Variants in IGSF3 observed in about 807,000 individuals in gnomAD.
IGSF3 encodes the protein glu-Trp-Ile EWI motif-containing protein 3.
A neutral mutation model predicts 114.4 loss-of-function variants in IGSF3; 23 were observed. The observed-to-expected ratio is 0.20, with a 90% CI of 0.14 to 0.28. The LOEUF (loss-of-function observed/expected upper bound fraction) is 0.28, where lower values mean the gene tolerates loss of function less well. Among genes scored for constraint, IGSF3 ranks in the 10% least tolerant of loss-of-function variants. IGSF3 has a pLI of 1.00. For synonymous variants in IGSF3, 571 were observed against 645.2 expected (o/e 0.88, Z 1.74); for missense variants, 1,172 against 1,591.5 (o/e 0.74, Z 4.48).
Position 116,617,000 on chromosome 1 carries a change from A to G in IGSF3, c.44-543T>C, listed in dbSNP as rs2101508006. 6.6e-6 allele frequency among the ~76,000 whole-genome samples: 1 copy of G among 152,252 alleles called. No homozygotes were observed. Among genetic ancestry groups the G allele is most frequent in the Non-Finnish European group, 1.5e-5 (1 of 68,014 alleles). On this transcript the variant is annotated intron_variant, in intron 2 of 10. Coordinates refer to ENST00000369486, the MANE Select transcript of IGSF3 (RefSeq NM_001007237.3). The surrounding 1 kb of genome is among the most constrained non-coding windows in gnomAD (Gnocchi z 6.6). The stretch of plus-strand genomic sequence containing the variant: ...GCTCCCCAACACCACCCCAAGGGGC[A>G]TTCCTTAGTTTCTCTTCCCTCCATA...
Position 116,584,595 on chromosome 1 carries a change from T to G in IGSF3, c.2848+50A>C, listed in dbSNP as rs1488072656. 6.3e-7 allele frequency: 1 copy of G among 1,586,156 alleles called. No homozygotes were observed. Among genetic ancestry groups the G allele is most frequent in the Admixed American group, 1.7e-5 (1 of 59,898 alleles). ...TATCCAGTGCATAAAACAGTATACT[T>G]AAATGGGAAACACCAGAGGGAGTGG... On this transcript the variant is annotated intron_variant, in intron 9 of 10. Coordinates refer to ENST00000369486, the MANE Select transcript of IGSF3 (RefSeq NM_001007237.3). The surrounding 1 kb of genome is among the most constrained non-coding windows in gnomAD (Gnocchi z 5.8).
chr1:116,599,033 C>T (rs1278216921), intron 7 of IGSF3, among the ~76,000 whole-genome samples: 1 of 152,140 alleles, frequency 6.6e-6, no homozygotes, highest in African/African-American at 2.4e-5. Flanking sequence ...CTGGACAGGG[C>T]CTGGGTGCAG....
chr1:116,648,757 A>T lies in IGSF3; in HGVS notation c.43+17527T>A, dbSNP rs533658921. 3.9e-4 allele frequency among the ~76,000 whole-genome samples: 60 copies of T among 152,308 alleles called. No individual in the cohort carries two copies. The highest frequency in any genetic ancestry group is 6.6e-4 in the Non-Finnish European group (45 of 68,020). ...TCTTCCTGAAGCTCCATGTTTAGCC[A>T]GATAATTGAGACACTCCACCTGGTC... On this transcript the variant is annotated intron_variant, in intron 2 of 10. Transcript: ENST00000369486. This position sits in a 1 kb window ranked among gnomAD's most constrained non-coding sequence, Gnocchi z 4.7.
In IGSF3 at chr1:116,577,300, G is replaced by A; in HGVS notation, c.*12C>T. The A allele has an allele frequency of 1.2e-6, 2 of 1,612,644 alleles. No individual in the cohort carries two copies. Among genetic ancestry groups the A allele is most frequent in the Non-Finnish European group, 1.7e-6 (2 of 1,179,446 alleles). On this transcript the variant is annotated 3_prime_UTR_variant, in exon 11 of 11. Transcript: ENST00000369486. This position sits in a 1 kb window ranked among gnomAD's most constrained non-coding sequence, Gnocchi z 5.7. The stretch of plus-strand genomic sequence containing the variant: ...CTCCTCCGTGGCCAACATCCGCTGG[G>A]GCATCACCCGCTTAGTCTATGGCCC...
intron 2 of IGSF3, among the ~76,000 whole-genome samples, chr1:116,630,839 G>A (rs1647541307): frequency 6.6e-6 from 1 of 152,206 alleles, no homozygotes; most frequent in Non-Finnish European, 1.5e-5. Context: ...GGGGTGGGGA[G>A]GACTTGACAT....
At position 116,583,985 on chromosome 1, in the gene IGSF3, T is replaced by A. The variant is rs780163764; in HGVS notation, c.2848+660A>T. Among the ~76,000 whole-genome samples the A allele has an allele frequency of 1.3e-5, 2 of 152,092 alleles. No individual in the cohort carries two copies. Among genetic ancestry groups the A allele is most frequent in the Non-Finnish European group, 2.9e-5 (2 of 68,012 alleles). On this transcript the variant is annotated intron_variant, in intron 9 of 10. Transcript: ENST00000369486. The surrounding 1 kb of genome is among the most constrained non-coding windows in gnomAD (Gnocchi z 4.5). ...TGGTGGGGGTCACGAGGTCAGGAGA[T>A]CGAGACCAGCTTGGCCAACATGATG...
At chr1:116,578,279 T>C (rs1391522606) in intron 10 of IGSF3, among the ~76,000 whole-genome samples, 1 of 152,240 alleles carries the variant, frequency 6.6e-6, no homozygotes, top group Non-Finnish European at 1.5e-5. Context: ...TGAAGCTTAA[T>C]AATTAGGGAC....
intron 9 of IGSF3, among the ~76,000 whole-genome samples, chr1:116,580,313 C>T (rs967444106): frequency 6.6e-6 from 1 of 152,196 alleles, no homozygotes; most frequent in African/African-American, 2.4e-5. Flanking sequence ...AGCAACTTTG[C>T]AGACGTAATT....
At position 116,629,917 on chromosome 1, in the gene IGSF3, A is replaced by C. The variant is rs1204945015; in HGVS notation, c.44-13460T>G. Among the ~76,000 whole-genome samples, 2 of 152,122 alleles carry C rather than the reference A, an allele frequency of 1.3e-5. No homozygotes were observed. Among genetic ancestry groups the C allele is most frequent in the East Asian group, 3.8e-4 (2 of 5,198 alleles). ...ATGCCTTCATGAGGCATTAACAGAG[A>C]CTGTGAGCCCTGATGAAAATCATCC... On this transcript the variant is annotated intron_variant, in intron 2 of 10. Transcript: ENST00000369486. The surrounding 1 kb of genome is among the most constrained non-coding windows in gnomAD (Gnocchi z 4.3).
At chr1:116,652,994 A>C (rs1002539578) in intron 2 of IGSF3, among the ~76,000 whole-genome samples, 1 of 152,200 alleles carries the variant, frequency 6.6e-6, no homozygotes, top group Non-Finnish European at 1.5e-5. Context: ...CTCTGTCCCC[A>C]TGCCAAAAGC....
At position 116,578,089 on chromosome 1, in the gene IGSF3, G is replaced by A. The variant is rs142306351; in HGVS notation, c.3335-527C>T. ...TGGACCACTTACAAACGTCCACAGT[G>A]TGTCCGTGGCCACAAAGAACACAGT... On this transcript the variant is annotated intron_variant, in intron 10 of 10. Coordinates refer to ENST00000369486, the MANE Select transcript of IGSF3 (RefSeq NM_001007237.3). Among the ~76,000 whole-genome samples, 908 of 152,292 alleles carry A rather than the reference G, an allele frequency of 6.0e-3. 13 individuals carry two copies. Among genetic ancestry groups the A allele is most frequent in the African/African-American group, 0.021 (868 of 41,550 alleles).
Position 116,648,377 on chromosome 1 carries a change from A to G in IGSF3, c.43+17907T>C, listed in dbSNP as rs1311965555. ...GGTGTTCGGTTAGAGAAGAAACAGG[A>G]TGCACGGGAGATCACACACAGAGTA... On this transcript the variant is annotated intron_variant, in intron 2 of 10. Coordinates refer to ENST00000369486, the MANE Select transcript of IGSF3 (RefSeq NM_001007237.3). The surrounding 1 kb of genome is among the most constrained non-coding windows in gnomAD (Gnocchi z 4.7). Among the ~76,000 whole-genome samples, 2 of 152,146 alleles carry G rather than the reference A, an allele frequency of 1.3e-5. No homozygotes were observed. Among genetic ancestry groups the G allele is most frequent in the Non-Finnish European group, 2.9e-5 (2 of 68,016 alleles).
chr1:116,618,803 G>A lies in IGSF3; in HGVS notation c.44-2346C>T, dbSNP rs1409520256. ...CAATTTAACTACATTCATAACATTA[G>A]GTATCCTTTGAATTGCGGTGTTCTA... On this transcript the variant is annotated intron_variant, in intron 2 of 10. Coordinates refer to ENST00000369486, the MANE Select transcript of IGSF3 (RefSeq NM_001007237.3). This position sits in a 1 kb window ranked among gnomAD's most constrained non-coding sequence, Gnocchi z 4.7. 1.3e-5 allele frequency among the ~76,000 whole-genome samples: 2 copies of A among 152,116 alleles called. No homozygotes were observed. Among genetic ancestry groups the A allele is most frequent in the African/African-American group, 2.4e-5 (1 of 41,432 alleles).
Position 116,614,196 on chromosome 1 carries a change from G to A in IGSF3, c.422-21C>T, listed in dbSNP as rs536101702. The A allele has an allele frequency of 1.7e-4, 273 of 1,595,952 alleles. No homozygotes were observed. The East Asian group carries it at 4.4e-3, about 26-fold the overall frequency. On this transcript the variant is annotated intron_variant, in intron 3 of 10. Coordinates refer to ENST00000369486, the MANE Select transcript of IGSF3 (RefSeq NM_001007237.3). The surrounding 1 kb of genome is among the most constrained non-coding windows in gnomAD (Gnocchi z 4.5). Reference sequence around the variant, plus strand: ...GATCACTGCAACACAGAAATGTCCTGAGAGTGCAGTCACAAAGCCACAGAA... The same window carrying A: ...GATCACTGCAACACAGAAATGTCCTAAGAGTGCAGTCACAAAGCCACAGAA...
intron 4 of IGSF3, among the ~76,000 whole-genome samples, chr1:116,611,243 G>T (rs879406040): frequency 1.3e-5 from 2 of 152,318 alleles, no homozygotes; most frequent in Non-Finnish European, 2.9e-5. Flanking sequence ...CCAACTGTCT[G>T]CAGCAGAGGT....
intron 2 of IGSF3, among the ~76,000 whole-genome samples, chr1:116,643,878 G>T (rs1478662997): frequency 6.6e-6 from 1 of 152,216 alleles, no homozygotes; most frequent in Admixed American, 6.5e-5. Flanking sequence ...GGGCAGGAAA[G>T]CAGAGCTTCC....
chr1:116,653,586 A>G (rs776259045), intron 2 of IGSF3, among the ~76,000 whole-genome samples: 1 of 152,230 alleles, frequency 6.6e-6, no homozygotes, highest in Non-Finnish European at 1.5e-5. Context: ...GATGACGTGC[A>G]TCAGAGTCTC....
At chr1:116,601,028 A>G (rs1012943650) in intron 6 of IGSF3, among the ~76,000 whole-genome samples, 3 of 152,218 alleles carry the variant, frequency 2.0e-5, no homozygotes, top group African/African-American at 7.2e-5. Flanking sequence ...GAGCTCCTTC[A>G]GCCTGGAAAT....
chr1:116,625,054 T>C lies in IGSF3; in HGVS notation c.44-8597A>G, dbSNP rs1219853390. 6.6e-6 allele frequency among the ~76,000 whole-genome samples: 1 copy of C among 152,240 alleles called. No homozygotes were observed. Among genetic ancestry groups the C allele is most frequent in the East Asian group, 1.9e-4 (1 of 5,200 alleles). ...ACAGATTCTGTGAGCATAACAAAAT[T>C]GTTGTTTTAAGCCACTGAGGTTTGG... On this transcript the variant is annotated intron_variant, in intron 2 of 10. Coordinates refer to ENST00000369486, the MANE Select transcript of IGSF3 (RefSeq NM_001007237.3). This position sits in a 1 kb window ranked among gnomAD's most constrained non-coding sequence, Gnocchi z 4.7.
Sources: gnomAD v4.1 joint callset for allele counts (sites outside exome capture counted in the v4.1 genomes callset) on GRCh38, gnomAD v4.1.1 for gene constraint, Gnocchi (gnomAD v3.1) non-coding constraint, MANE v1.5 for transcripts, NCBI Gene and HGNC (gene_info 2026-07-23, HGNC 2026-07-21) for gene names.